ARHGAP44: variants seen among roughly 807,000 people sequenced by gnomAD.
ARHGAP44 encodes the protein Rho GTPase activating protein 44.
In ARHGAP44, 43 loss-of-function variants were observed where a neutral mutation model predicts 106.8. The observed-to-expected ratio is 0.40, with a 90% CI of 0.32 to 0.52. The LOEUF is 0.52. Among genes scored for constraint, ARHGAP44 ranks in the 20% least tolerant of loss-of-function variants. The probability of loss-of-function intolerance (pLI) is 0.48; values close to 1 mark genes in which losing one functional copy is unlikely to be tolerated. For synonymous variants in ARHGAP44, 439 were observed against 410.3 expected, an observed-to-expected ratio of 1.07 and a Z score of -0.85; for missense variants, 866 against 1,050.5, an observed-to-expected ratio of 0.82 and a Z score of 2.43.
chr17:12,874,587 A>G (rs1245552466), intron 1 of ARHGAP44, among the ~76,000 whole-genome samples: 29 of 152,016 alleles, frequency 1.9e-4, no homozygotes, highest in Admixed American at 1.9e-3. Flanking sequence ...AAAAATTAGC[A>G]GGGTGTGGTG....
At chr17:12,940,578 T>C (rs2038679663) in intron 7 of ARHGAP44, among the ~76,000 whole-genome samples, 2 of 152,206 alleles carry the variant, frequency 1.3e-5, no homozygotes, top group African/African-American at 2.4e-5. Context: ...TTCCTCCAAA[T>C]TGGTGCATTT....
chr17:12,910,542 G>A (rs2037696872), intron 4 of ARHGAP44, among the ~76,000 whole-genome samples: 3 of 139,476 alleles, frequency 2.2e-5, no homozygotes, highest in Admixed American at 1.6e-4. Flanking sequence ...TCTGCATCCC[G>A]GGTGCAAGGG....
chr17:12,802,950 TATATATATATATATA>T (rs1417939127), intron 1 of ARHGAP44, among the ~76,000 whole-genome samples: 1,238 of 30,858 alleles, frequency 0.04, 106 homozygotes, highest in East Asian at 0.15. Flanking sequence ...TATATATATA[TATATATATATATATA>T]TATATTTTTT....
At chr17:12,907,627 A>T (rs1223775062) in intron 3 of ARHGAP44, among the ~76,000 whole-genome samples, 2 of 152,198 alleles carry the variant, frequency 1.3e-5, no homozygotes, top group African/African-American at 4.8e-5. Context: ...TTCAAGATTC[A>T]TCTGTGTTGT....
intron 3 of ARHGAP44, among the ~76,000 whole-genome samples, chr17:12,900,765 T>G (rs183966610): frequency 7.9e-5 from 12 of 152,046 alleles, no homozygotes; most frequent in Non-Finnish European, 1.8e-4. Flanking sequence ...CAAGAAGAAG[T>G]GCTTGCTAGG....
chr17:12,841,240 C>T (rs541693275), intron 1 of ARHGAP44, among the ~76,000 whole-genome samples: 3 of 152,112 alleles, frequency 2.0e-5, no homozygotes, highest in Non-Finnish European at 4.4e-5. Context: ...AAATTCACCT[C>T]GAGAGTGAGG....
At chr17:12,805,792 G>A (rs909632834) in intron 1 of ARHGAP44, among the ~76,000 whole-genome samples, 1 of 152,200 alleles carries the variant, frequency 6.6e-6, no homozygotes, top group African/African-American at 2.4e-5. Flanking sequence ...CTGTGGAAGG[G>A]AGTGAAAAGA....
chr17:12,908,028 AT>A (rs2037610048), intron 3 of ARHGAP44, among the ~76,000 whole-genome samples: 1 of 151,738 alleles, frequency 6.6e-6, no homozygotes, highest in Non-Finnish European at 1.5e-5. Context: ...TGAGGTCTTG[AT>A]TGGGGTTTTC....
At chr17:12,853,527 CAG>C (rs1427342260) in intron 1 of ARHGAP44, among the ~76,000 whole-genome samples, 1 of 152,110 alleles carries the variant, frequency 6.6e-6, no homozygotes, top group African/African-American at 2.4e-5. Context: ...TTGGCAGTCA[CAG>C]AGGACAGAAA....
At chr17:12,868,591 T>TTATATATATATATATATATATA (rs1209692482) in intron 1 of ARHGAP44, among the ~76,000 whole-genome samples, 2 of 47,152 alleles carry the variant, frequency 4.2e-5, no homozygotes, top group Admixed American at 3.0e-4. Flanking sequence ...TATATGCATT[T>TTATATATATATATATATATATA]TATATATATA....
At chr17:12,935,818 A>T (rs1233857194) in intron 7 of ARHGAP44, among the ~76,000 whole-genome samples, 1 of 148,848 alleles carries the variant, frequency 6.7e-6, no homozygotes, top group East Asian at 1.9e-4. Context: ...GCCAAAAAGA[A>T]TGAAAGAAAA....
chr17:12,833,933 T>TAG (rs1350757217), intron 1 of ARHGAP44, among the ~76,000 whole-genome samples: 1 of 151,278 alleles, frequency 6.6e-6, no homozygotes, highest in Non-Finnish European at 1.5e-5. Flanking sequence ...GTAGCAGGCT[T>TAG]CAGAGAGAAT....
Position 12,853,338 on chromosome 17 carries a change from T to G in ARHGAP44, c.54-41602T>G, listed in dbSNP as rs185696301. Among the ~76,000 whole-genome samples, 3 of 152,258 alleles carry G rather than the reference T, an allele frequency of 2.0e-5. No individual in the cohort carries two copies. The East Asian group carries it at 5.8e-4, about 29-fold the overall frequency. On this transcript the variant is annotated intron_variant, in intron 1 of 20. Coordinates refer to ENST00000379672, the MANE Select transcript of ARHGAP44 (RefSeq NM_014859.6). ...GAAGTATTTTGAGGCATCATCTACA[T>G]TTATAGCATATTAGACACTGAAGGA... is the stretch of plus-strand genomic sequence containing the variant.
chr17:12,820,522 G>C (rs1202112881), intron 1 of ARHGAP44, among the ~76,000 whole-genome samples: 1 of 152,066 alleles, frequency 6.6e-6, no homozygotes, highest in Non-Finnish European at 1.5e-5. Context: ...AAGCTGTTGT[G>C]GTGTCTGTAC....
rs545160159 is a variant in ARHGAP44, at chr17:12,917,110, T to C, written c.387+1099T>C. On this transcript the variant is annotated intron_variant, in intron 5 of 20. Coordinates refer to ENST00000379672, the MANE Select transcript of ARHGAP44 (RefSeq NM_014859.6). ...TCAGATAAGGGACACTCCATCTATA[T>C]AAAATCTAACCAGCACTATCCCCTA... Among the ~76,000 whole-genome samples the C allele has an allele frequency of 1.7e-3, 264 of 152,296 alleles. 1 individual carries two copies. Among genetic ancestry groups the C allele is most frequent in the Admixed American group, 4.5e-3 (69 of 15,296 alleles).
chr17:12,796,709 G>T (rs1015045177), intron 1 of ARHGAP44, among the ~76,000 whole-genome samples: 2 of 151,042 alleles, frequency 1.3e-5, no homozygotes, highest in Non-Finnish European at 2.9e-5. Context: ...CCATTCTCCT[G>T]CCTCAGCCTC....
intron 1 of ARHGAP44, among the ~76,000 whole-genome samples, chr17:12,882,585 T>G: frequency 6.6e-6 from 1 of 152,146 alleles, no homozygotes; most frequent in East Asian, 1.9e-4. Context: ...CCAGTAAGAA[T>G]AATGTTTTAT....
At chr17:12,804,959 G>C (rs2034229205) in intron 1 of ARHGAP44, among the ~76,000 whole-genome samples, 1 of 152,132 alleles carries the variant, frequency 6.6e-6, no homozygotes, top group Non-Finnish European at 1.5e-5. Flanking sequence ...TGGGAATCTG[G>C]TGTCCACTAT....
In ARHGAP44 at chr17:12,831,366, G is replaced by A. The variant is rs576985608; in HGVS notation, c.53+41475G>A. Among the ~76,000 whole-genome samples, 6 of 152,254 alleles carry A rather than the reference G, an allele frequency of 3.9e-5. No individual in the cohort carries two copies. In the East Asian group the frequency reaches 7.7e-4, roughly 20 times the overall value. On this transcript the variant is annotated intron_variant, in intron 1 of 20. Transcript: ENST00000379672. The stretch of plus-strand genomic sequence containing the variant: ...CTGTCAACAACCAGCAAAGCCGGAC[G>A]CTTGTTAAAGTGGTAGGGGCAGTTT...
Sources: allele counts gnomAD v4.1 joint callset (sites outside exome capture counted in the v4.1 genomes callset), GRCh38; gene constraint gnomAD v4.1.1; transcripts MANE v1.5; gene names NCBI Gene and HGNC (gene_info 2026-07-23, HGNC 2026-07-21).